HECW2: variants seen among roughly 807,000 people sequenced by gnomAD.
The protein encoded by HECW2 is E3 ubiquitin-protein ligase HECW2.
A neutral mutation model predicts 175.2 loss-of-function variants in HECW2; 61 were observed. The observed-to-expected ratio is 0.35, with a 90% CI of 0.28 to 0.43. HECW2 has a LOEUF of 0.43. HECW2 is among the 20% of genes least tolerant of loss of function. HECW2 has a pLI of 1.00. For synonymous variants in HECW2, 671 were observed against 731.0 expected (o/e 0.92, Z 1.32); for missense variants, 1,524 against 2,000.5 (o/e 0.76, Z 4.54).
intron 1 of HECW2, among the ~76,000 whole-genome samples, chr2:196,507,456 T>C (rs1383176252): frequency 6.6e-6 from 1 of 152,214 alleles, no homozygotes; most frequent in African/African-American, 2.4e-5. Context: ...TTTCTGATGG[T>C]CATGACTGGG....
intron 1 of HECW2, among the ~76,000 whole-genome samples, chr2:196,453,482 G>A (rs1171714410): frequency 6.6e-6 from 1 of 152,166 alleles, no homozygotes; most frequent in Non-Finnish European, 1.5e-5. Context: ...ACTTAGGAAG[G>A]AGAGTATTGT....
At chr2:196,463,378 C>T (rs1468308368) in intron 1 of HECW2, among the ~76,000 whole-genome samples, 15 of 145,472 alleles carry the variant, frequency 1.0e-4, no homozygotes, top group South Asian at 6.5e-4. Flanking sequence ...TCAGGCTGCA[C>T]ACCACCCACC....
At chr2:196,527,176 C>T (rs973762039) in intron 1 of HECW2, among the ~76,000 whole-genome samples, 2 of 152,214 alleles carry the variant, frequency 1.3e-5, no homozygotes, top group African/African-American at 4.8e-5. Context: ...GATATAATCT[C>T]GTGGTGCGCC....
At chr2:196,285,306 G>C (rs1264684282) in intron 14 of HECW2, among the ~76,000 whole-genome samples, 3 of 152,074 alleles carry the variant, frequency 2.0e-5, no homozygotes, top group African/African-American at 7.2e-5. Flanking sequence ...TTGCCACTAA[G>C]GAATACATAT....
intron 17 of HECW2, 50 bp from the exon 18 acceptor site, chr2:196,257,956 T>G: frequency 7.6e-7 from 1 of 1,323,872 alleles, no homozygotes; most frequent in Non-Finnish European, 1.1e-6. Context: ...ACCTTTAGGC[T>G]ATAACTCAGT....
intron 1 of HECW2, among the ~76,000 whole-genome samples, chr2:196,537,578 G>C (rs1167404937): frequency 1.3e-5 from 2 of 152,140 alleles, no homozygotes; most frequent in East Asian, 3.9e-4. Context: ...AACGGTACTG[G>C]TGTCAGAGGC....
intron 24 of HECW2, 61 bp downstream of exon 24, chr2:196,222,150 C>T (rs1687692420): frequency 5.4e-6 from 8 of 1,481,300 alleles, no homozygotes; most frequent in Middle Eastern, 1.8e-4. Flanking sequence ...GGAGTTAATT[C>T]TTCACTCATC....
At chr2:196,451,989 C>A (rs1425786929) in intron 1 of HECW2, among the ~76,000 whole-genome samples, 1 of 152,200 alleles carries the variant, frequency 6.6e-6, no homozygotes, top group East Asian at 1.9e-4. Flanking sequence ...AGTCTCCATT[C>A]TTCTAACTAC....
chr2:196,511,853 A>G (rs1321934967), intron 1 of HECW2, among the ~76,000 whole-genome samples: 1 of 152,164 alleles, frequency 6.6e-6, no homozygotes, highest in African/African-American at 2.4e-5. Flanking sequence ...GTGGTAAAGA[A>G]AAAAAGTAGC....
intron 1 of HECW2, among the ~76,000 whole-genome samples, chr2:196,469,477 G>A (rs1697109277): frequency 6.6e-6 from 1 of 151,876 alleles, no homozygotes; most frequent in East Asian, 1.9e-4. Context: ...CACCTGGTGG[G>A]TTCACAGGTG....
rs1691296620 is a variant in HECW2, at chr2:196,307,150, T to C, written c.2669A>G (p.Asp890Gly). The C allele has an allele frequency of 6.2e-7, 1 of 1,613,378 alleles. No individual in the cohort carries two copies. Among genetic ancestry groups the C allele is most frequent in the African/African-American group, 1.3e-5 (1 of 74,900 alleles). The part of the protein sequence containing the change: ...NAIDGAGEEA[D>G]FHQASADFRR... ...CTTACCTGCACTGGCTTGGTGAAAG[T>C]CAGCTTCCTCCCCTGCCCCATCAAT... Residue 890 changes from aspartate (D) to glycine (G), a missense_variant, in exon 12 of 29, where the codon GAC becomes GGC. By Grantham distance (94) the Asp-to-Gly change is moderately conservative. This residue lies in a region of HECW2 where 105 missense variants were observed against 98.1 expected (regional missense o/e 1.07). Coordinates refer to ENST00000644978, the MANE Select transcript of HECW2 (RefSeq NM_001348768.2).
chr2:196,210,177 G>A (rs1687225530), intron 28 of HECW2, among the ~76,000 whole-genome samples: 1 of 152,132 alleles, frequency 6.6e-6, no homozygotes, highest in Non-Finnish European at 1.5e-5. Flanking sequence ...AATGGAGGAG[G>A]GAAAACTGAA....
At chr2:196,363,382 C>T (rs77088341) in intron 2 of HECW2, among the ~76,000 whole-genome samples, 3,087 of 152,032 alleles carry the variant, frequency 0.02, 110 homozygotes, top group African/African-American at 0.07. Flanking sequence ...TGATAACAGC[C>T]AGGATTTAAA....
At chr2:196,577,320 T>C (rs1003392525) in intron 1 of HECW2, among the ~76,000 whole-genome samples, 4 of 152,222 alleles carry the variant, frequency 2.6e-5, no homozygotes, top group African/African-American at 9.6e-5. Context: ...GTTTTTCTAC[T>C]ATACCTTTAT....
intron 24 of HECW2, among the ~76,000 whole-genome samples, chr2:196,221,940 T>G (rs1400508512): frequency 6.6e-6 from 1 of 152,196 alleles, no homozygotes; most frequent in African/African-American, 2.4e-5. Context: ...AATTCTCATA[T>G]TTTGGGGGAT....
chr2:196,445,980 C>G (rs1268303075), intron 1 of HECW2, among the ~76,000 whole-genome samples: 2 of 152,128 alleles, frequency 1.3e-5, no homozygotes, highest in East Asian at 3.8e-4. Context: ...CCAGAGTGAC[C>G]CTGTTCAGAT....
intron 1 of HECW2, among the ~76,000 whole-genome samples, chr2:196,569,376 A>AAAC (rs1559180288): frequency 1.6e-4 from 14 of 87,374 alleles, no homozygotes; most frequent in South Asian, 4.0e-4. Flanking sequence ...CTAAACTAAA[A>AAAC]TAAAATAAAA....
chr2:196,323,414 T>C lies in HECW2; in HGVS notation c.742-794A>G, dbSNP rs1356595621. ...GAATCTCAGGATAAGTAAATGATGG[T>C]GCCAGGAATCTAACCTAAATTATTT... On this transcript the variant is annotated intron_variant, in intron 6 of 28. Coordinates refer to ENST00000644978, the MANE Select transcript of HECW2 (RefSeq NM_001348768.2). 2.0e-5 allele frequency among the ~76,000 whole-genome samples: 3 copies of C among 152,234 alleles called. No homozygotes were observed. In the East Asian group the frequency reaches 5.8e-4, roughly 29 times the overall value.
At chr2:196,506,103 G>A (rs559685603) in intron 1 of HECW2, among the ~76,000 whole-genome samples, 1 of 152,028 alleles carries the variant, frequency 6.6e-6, no homozygotes, top group Non-Finnish European at 1.5e-5. Context: ...GAGGAGGGGA[G>A]AAAGGGGATG....
Sources: gnomAD v4.1 joint callset for allele counts (sites outside exome capture counted in the v4.1 genomes callset) on GRCh38, gnomAD v4.1.1 for gene constraint, gnomAD v4.1.1 regional missense constraint, MANE v1.5 for transcripts, NCBI Gene and HGNC (gene_info 2026-07-23, HGNC 2026-07-21) for gene names.